Variants in MCU observed in about 807,000 individuals in gnomAD.
The protein encoded by MCU is calcium uniporter protein, mitochondrial.
Under a neutral mutation model 45.2 loss-of-function variants are expected in MCU, and 12 were observed. The observed-to-expected ratio is 0.27, with a 90% CI of 0.17 to 0.43. MCU has a LOEUF of 0.43. Among genes scored for constraint, MCU ranks in the 20% least tolerant of loss-of-function variants. MCU has a pLI of 1.00. For missense variants in MCU, 324 were observed against 436.7 expected (o/e 0.74, Z 2.30); for synonymous variants, 160 against 165.1 (o/e 0.97, Z 0.24).
chr10:72,710,102 A>C (rs1842870986), intron 1 of MCU, among the ~76,000 whole-genome samples: 1 of 152,132 alleles, frequency 6.6e-6, no homozygotes, highest in South Asian at 2.1e-4. Flanking sequence ...CAGCCTCCTG[A>C]GTAGCTGGGA....
intron 1 of MCU, among the ~76,000 whole-genome samples, chr10:72,806,770 G>T (rs542489107): frequency 6.6e-6 from 1 of 152,202 alleles, no homozygotes; most frequent in African/African-American, 2.4e-5. Context: ...TTTTTGAGGA[G>T]GGGTTGTTTA....
At chr10:72,694,730 G>T (rs1842665425) in intron 1 of MCU, among the ~76,000 whole-genome samples, 1 of 152,186 alleles carries the variant, frequency 6.6e-6, no homozygotes, top group Non-Finnish European at 1.5e-5. Flanking sequence ...CTTTTGTTCC[G>T]CTGTATGGTA....
chr10:72,781,596 G>T (rs1436452844), intron 1 of MCU, among the ~76,000 whole-genome samples: 2 of 152,182 alleles, frequency 1.3e-5, no homozygotes, highest in African/African-American at 4.8e-5. Flanking sequence ...AGATGGTCAT[G>T]TGCATCTGCA....
At chr10:72,858,823 C>T (rs549296293) in intron 2 of MCU, among the ~76,000 whole-genome samples, 5 of 152,242 alleles carry the variant, frequency 3.3e-5, no homozygotes, top group Admixed American at 3.3e-4. Flanking sequence ...GAAGTCTAGC[C>T]CAGCAATCTC....
At position 72,692,853 on chromosome 10, in the gene MCU, A is replaced by G. The variant is rs1380061623; in HGVS notation, c.150+552A>G. ...CCCGAGGGGTCGGGCAGGAAGGAAA[A>G]TCAAACTTTATTCCCCTCTGTGACT... is the stretch of plus-strand genomic sequence containing the variant. On this transcript the variant is annotated intron_variant, in intron 1 of 7. Transcript: ENST00000373053. 6 of 1,428,190 alleles carry G rather than the reference A, an allele frequency of 4.2e-6. No individual in the cohort carries two copies. In the African/African-American group the frequency reaches 4.3e-5, roughly 10 times the overall value. 88.5% of individuals were successfully genotyped at this position (1,428,190 alleles called of 1,614,324 possible).
chr10:72,852,337 C>T (rs985144057), intron 2 of MCU, among the ~76,000 whole-genome samples: 11 of 152,142 alleles, frequency 7.2e-5, no homozygotes, highest in Admixed American at 7.2e-4. Context: ...CTATTTTGAC[C>T]TCTTCTTCCT....
intron 1 of MCU, among the ~76,000 whole-genome samples, chr10:72,760,107 T>C (rs1843633840): frequency 6.6e-6 from 1 of 152,042 alleles, no homozygotes; most frequent in Non-Finnish European, 1.5e-5. Context: ...TGTAGTTGCG[T>C]GATCACAGCT....
chr10:72,832,383 A>G (rs1357390837), intron 1 of MCU, among the ~76,000 whole-genome samples: 1 of 152,260 alleles, frequency 6.6e-6, no homozygotes, highest in Admixed American at 6.5e-5. Flanking sequence ...ATGAAAGCAA[A>G]GAAACTCAGA....
intron 3 of MCU, among the ~76,000 whole-genome samples, chr10:72,859,665 G>A (rs910657166): frequency 2.6e-5 from 4 of 151,908 alleles, no homozygotes; most frequent in African/African-American, 7.3e-5. Flanking sequence ...CATTACTTTC[G>A]GTGTAGAATA....
At chr10:72,814,321 T>G (rs947565407) in intron 1 of MCU, among the ~76,000 whole-genome samples, 1 of 152,208 alleles carries the variant, frequency 6.6e-6, no homozygotes. Context: ...TCCAAACAAA[T>G]GTTGTTCCTG....
chr10:72,821,179 C>T (rs1030711049), intron 1 of MCU, among the ~76,000 whole-genome samples: 6 of 150,894 alleles, frequency 4.0e-5, no homozygotes, highest in East Asian at 3.9e-4. Context: ...CAAACTACAA[C>T]GGGAACAAAG....
intron 6 of MCU, among the ~76,000 whole-genome samples, chr10:72,878,660 T>TG (rs1290224632): frequency 6.6e-6 from 1 of 152,142 alleles, no homozygotes; most frequent in Non-Finnish European, 1.5e-5. Context: ...TGAAATATAA[T>TG]GGATGGGTTT....
rs1193046719 is a variant in MCU at position 72,886,587 on chromosome 10, A to G, written c.*765A>G. On this transcript the variant is annotated 3_prime_UTR_variant, in exon 8 of 8. Coordinates refer to ENST00000373053, the MANE Select transcript of MCU (RefSeq NM_138357.3). ...ACAGGAGGAATAATTGCCCTCCTTT[A>G]TATACTTATCTATTGATAATCCCCT... 1 of 152,434 alleles carries G rather than the reference A, an allele frequency of 6.6e-6. No homozygotes were observed. Among genetic ancestry groups the G allele is most frequent in the East Asian group, 1.9e-4 (1 of 5,314 alleles). The allele number at this position is 152,434 out of a possible 1,614,324, so 9.4% of individuals were successfully genotyped here.
chr10:72,694,591 A>G (rs1842663699), intron 1 of MCU, among the ~76,000 whole-genome samples: 1 of 152,260 alleles, frequency 6.6e-6, no homozygotes, highest in Non-Finnish European at 1.5e-5. Context: ...ACAACTTACC[A>G]GAAAGAATAG....
chr10:72,784,512 T>C (rs1844042905), intron 1 of MCU, among the ~76,000 whole-genome samples: 1 of 152,178 alleles, frequency 6.6e-6, no homozygotes, highest in Non-Finnish European at 1.5e-5. Flanking sequence ...AAGAATAGAT[T>C]TAAGTAGGCA....
At chr10:72,697,572 T>G (rs969615302) in intron 1 of MCU, among the ~76,000 whole-genome samples, 5 of 151,826 alleles carry the variant, frequency 3.3e-5, no homozygotes, top group African/African-American at 1.2e-4. Flanking sequence ...TAGCTGGGAT[T>G]ACAGGTGTGC....
At chr10:72,851,657 A>G (rs948345972) in intron 2 of MCU, among the ~76,000 whole-genome samples, 11 of 152,204 alleles carry the variant, frequency 7.2e-5, no homozygotes, top group African/African-American at 2.7e-4. Flanking sequence ...CTTAGGTTCT[A>G]CAACAGTGAT....
At chr10:72,824,454 C>T (rs1490469566) in intron 1 of MCU, among the ~76,000 whole-genome samples, 2 of 151,696 alleles carry the variant, frequency 1.3e-5, no homozygotes, top group African/African-American at 4.9e-5. Flanking sequence ...GGAAATCCGC[C>T]TGCCTCAGCC....
chr10:72,695,489 A>G (rs1842674566), intron 1 of MCU, among the ~76,000 whole-genome samples: 1 of 152,176 alleles, frequency 6.6e-6, no homozygotes, highest in Non-Finnish European at 1.5e-5. Context: ...CCATACATTC[A>G]TACTAAACCT....
Sources: gnomAD v4.1 joint callset for allele counts (sites outside exome capture counted in the v4.1 genomes callset) on GRCh38, gnomAD v4.1.1 for gene constraint, MANE v1.5 for transcripts, NCBI Gene and HGNC (gene_info 2026-07-23, HGNC 2026-07-21) for gene names.